The following FGF13 variants were observed in gnomAD, a reference collection of about 807,000 sequenced individuals.
FGF13 encodes fibroblast growth factor 13, also known as fibroblast growth factor homologous factor 2.
In FGF13, 2 loss-of-function variants were observed where a neutral mutation model predicts 19.5. That is an observed-to-expected ratio of 0.10 (90% CI 0.04 to 0.32). FGF13 has a LOEUF of 0.32. Among genes scored for constraint, FGF13 ranks in the 10% least tolerant of loss-of-function variants. FGF13 has a pLI of 1.00. For synonymous variants in FGF13, 72 were observed against 76.9 expected, an observed-to-expected ratio of 0.94 and a Z score of 0.33; for missense variants, 113 against 192.7, an observed-to-expected ratio of 0.59 and a Z score of 2.45.
chrX:138,997,976 C>G (rs1304657583), intron 1 of FGF13, among the ~76,000 whole-genome samples: 1 of 112,042 alleles, frequency 8.9e-6, no homozygotes, highest in Non-Finnish European at 1.9e-5. Context: ...ATTGGACTAA[C>G]AGCAGACCTC....
At chrX:139,183,788 AT>A (rs2084258711) in intron 1 of FGF13, among the ~76,000 whole-genome samples, 1 of 111,959 alleles carries the variant, frequency 8.9e-6, no homozygotes, top group East Asian at 2.8e-4. Context: ...ACACCAGGAA[AT>A]AGGGAGAATA....
At chrX:138,864,803 G>C (rs1036439237) in intron 1 of FGF13, among the ~76,000 whole-genome samples, 1 of 112,563 alleles carries the variant, frequency 8.9e-6, no homozygotes, top group Non-Finnish European at 1.9e-5. Flanking sequence ...GGTAAGACTA[G>C]AGAGGAGTAC....
intron 2 of FGF13, among the ~76,000 whole-genome samples, chrX:138,861,889 G>A (rs1290556469): frequency 9.0e-6 from 1 of 111,488 alleles, no homozygotes; most frequent in Non-Finnish European, 1.9e-5. Context: ...TGTAATCCCA[G>A]CTACTCGGGA....
At chrX:138,913,696 GGAAGGAAGGAAA>G (rs1265095337) in intron 1 of FGF13, among the ~76,000 whole-genome samples, 15 of 81,074 alleles carry the variant, frequency 1.9e-4, no homozygotes, top group African/African-American at 6.5e-4. Flanking sequence ...AAGGAAGGAA[GGAAGGAAGGAAA>G]GAAAACTATC....
intron 3 of FGF13, among the ~76,000 whole-genome samples, chrX:138,668,174 A>G (rs889339763): frequency 1.2e-4 from 13 of 111,509 alleles, no homozygotes; most frequent in African/African-American, 4.2e-4. Context: ...ATGTATTATC[A>G]TTCCATTTAA....
intron 3 of FGF13, among the ~76,000 whole-genome samples, chrX:138,789,220 G>A (rs192370146): frequency 3.3e-4 from 36 of 110,695 alleles, no homozygotes; most frequent in Non-Finnish European, 4.3e-4. Flanking sequence ...CCAGGCTGGA[G>A]TGCAATGGCG....
At chrX:139,175,948 A>G (rs112065435) in intron 1 of FGF13, among the ~76,000 whole-genome samples, 4 of 111,015 alleles carry the variant, frequency 3.6e-5, no homozygotes, top group Admixed American at 9.5e-5. Context: ...CTCTTTTTCT[A>G]TTGTTTGGAA....
At chrX:138,982,852 C>A (rs1482068522) in intron 1 of FGF13, among the ~76,000 whole-genome samples, 2 of 111,989 alleles carry the variant, frequency 1.8e-5, no homozygotes, top group African/African-American at 3.2e-5. Context: ...TTTGCCTTTC[C>A]CTGTTGATTA....
intron 1 of FGF13, among the ~76,000 whole-genome samples, chrX:138,881,918 TTTA>T (rs1231808816): frequency 9.0e-6 from 1 of 110,622 alleles, no homozygotes; most frequent in African/African-American, 3.3e-5. Flanking sequence ...TGCTCTAATC[TTTA>T]TTATTTCCTT....
chrX:139,158,892 GA>G (rs35226876), intron 1 of FGF13, among the ~76,000 whole-genome samples: 13,015 of 111,219 alleles, frequency 0.12, 1,299 homozygotes, highest in African/African-American at 0.33. Context: ...AAGCAAGTTG[GA>G]AAAATACTCT....
intron 1 of FGF13, among the ~76,000 whole-genome samples, chrX:139,105,983 A>G (rs1345129186): frequency 8.9e-6 from 1 of 112,373 alleles, no homozygotes; most frequent in African/African-American, 3.2e-5. Flanking sequence ...AACATATGGT[A>G]TGCTTGATAC....
chrX:138,692,405 A>G (rs1285774776), intron 3 of FGF13, among the ~76,000 whole-genome samples: 1 of 93,842 alleles, frequency 1.1e-5, no homozygotes, highest in Non-Finnish European at 2.1e-5. Context: ...TTTTTTTTCT[A>G]TCATGTTGTG....
At chrX:139,089,002 G>T (rs1276828642) in intron 1 of FGF13, among the ~76,000 whole-genome samples, 3 of 112,396 alleles carry the variant, frequency 2.7e-5, no homozygotes, top group Non-Finnish European at 5.6e-5. Context: ...CCAGTGCCTT[G>T]ATCTTGGACT....
At chrX:138,668,763 T>G (rs1220593249) in intron 3 of FGF13, among the ~76,000 whole-genome samples, 2 of 109,760 alleles carry the variant, frequency 1.8e-5, no homozygotes, top group Non-Finnish European at 3.8e-5. Flanking sequence ...AGAAAAATAG[T>G]GATGGTGTAG....
chrX:138,985,012 TCTTA>T, intron 1 of FGF13: 2 of 364,916 alleles, frequency 5.5e-6, no homozygotes, highest in Non-Finnish European at 1.1e-5. Flanking sequence ...TACTAATGTC[TCTTA>T]CTTAGGTAGT....
At chrX:138,889,780 G>A (rs2091467632) in intron 1 of FGF13, among the ~76,000 whole-genome samples, 1 of 111,771 alleles carries the variant, frequency 8.9e-6, no homozygotes. Flanking sequence ...ACAGAGAAAA[G>A]TCTGCCATGA....
intron 3 of FGF13, among the ~76,000 whole-genome samples, chrX:138,763,122 T>C (rs183847637): frequency 3.6e-5 from 4 of 111,087 alleles, no homozygotes; most frequent in African/African-American, 1.3e-4. Context: ...TGTGTATGTA[T>C]TATATCATAT....
chrX:139,051,538 AC>A (rs773305110), intron 1 of FGF13, among the ~76,000 whole-genome samples: 1 of 112,187 alleles, frequency 8.9e-6, no homozygotes, highest in Non-Finnish European at 1.9e-5. Flanking sequence ...TCTCTGTGGC[AC>A]CTCTGTGGAA....
At chrX:138,891,644 A>T (rs1027208511) in intron 1 of FGF13, among the ~76,000 whole-genome samples, 1 of 111,523 alleles carries the variant, frequency 9.0e-6, no homozygotes, top group African/African-American at 3.3e-5. Flanking sequence ...ATTGAATTGA[A>T]GGATACAAAG....
Sources: allele counts gnomAD v4.1 joint callset (sites outside exome capture counted in the v4.1 genomes callset), GRCh38; gene constraint gnomAD v4.1.1; transcripts MANE v1.5; gene names NCBI Gene and HGNC (gene_info 2026-07-23, HGNC 2026-07-21).